Variants in BMP8B observed in about 807,000 individuals in gnomAD.
BMP8B encodes bone morphogenetic protein 8 (osteogenic protein 2).
Under a neutral mutation model 30.3 loss-of-function variants are expected in BMP8B, and 17 were observed. The observed-to-expected ratio is 0.56, with a 90% CI of 0.38 to 0.84. BMP8B has a LOEUF of 0.84. Among genes scored for constraint, BMP8B ranks in the 40% least tolerant of loss-of-function variants. BMP8B has a pLI of 0.00. For missense variants in BMP8B, 253 were observed against 494.6 expected (o/e 0.51, Z 4.63); for synonymous variants, 131 against 214.7 (o/e 0.61, Z 3.41).
In BMP8B at chr1:39,770,342, C is replaced by T. The variant is rs200262941; in HGVS notation, c.673+3966G>A. ...GCCGTCCTCAAATTCCAGAGCTGCGCGTCTGATGATGCGCGTCCTGGCGTC... is the reference window on the plus strand; with the variant it reads ...GCCGTCCTCAAATTCCAGAGCTGCGTGTCTGATGATGCGCGTCCTGGCGTC... On this transcript the variant is annotated intron_variant, in intron 3 of 6. Transcript: ENST00000372827. 60 of 1,590,780 alleles carry T rather than the reference C, an allele frequency of 3.8e-5. 1 individual carries two copies. The highest frequency in any genetic ancestry group is 1.7e-4 in the Middle Eastern group (1 of 5,824).
chr1:39,781,303 C>G (rs547337464), intron 1 of BMP8B, among the ~76,000 whole-genome samples: 2 of 152,218 alleles, frequency 1.3e-5, no homozygotes, highest in Admixed American at 6.5e-5. Flanking sequence ...TCAGAAGGAA[C>G]GGCTGCTACT....
chr1:39,763,322 A>G, intron 5 of BMP8B, 120 bp from the exon 6 acceptor site: 1 of 1,005,872 alleles, frequency 9.9e-7, no homozygotes, highest in Admixed American at 2.4e-5. Context: ...CCACCCAGGA[A>G]CCCCCGGCAG....
intron 1 of BMP8B, among the ~76,000 whole-genome samples, chr1:39,785,684 C>G (rs1650926319): frequency 6.6e-6 from 1 of 152,178 alleles, no homozygotes; most frequent in African/African-American, 2.4e-5. Flanking sequence ...CTATTAGATC[C>G]CGTGGTGGCC....
At position 39,782,151 on chromosome 1, in the gene BMP8B, CA is replaced by C. The variant is rs58953661; in HGVS notation, c.334+6000del. Among the ~76,000 whole-genome samples the C allele has an allele frequency of 5.2e-3, 659 of 126,462 alleles. 2 individuals carry two copies. Among genetic ancestry groups the C allele is most frequent in the African/African-American group, 0.016 (551 of 34,728 alleles). 83.0% of individuals were successfully genotyped at this position (126,462 alleles called of 152,430 possible). A position where few individuals can be genotyped will look rare whatever the true frequency, so the allele number is the denominator to read the frequency against. On this transcript the variant is annotated intron_variant, in intron 1 of 6. Transcript: ENST00000372827. ...GGGTGACAAGAGCAAAACTCCATCT[CA>C]AAAAAAAAAAAAACAAAAAAAACCT...
chr1:39,778,870 A>G (rs2780922), intron 1 of BMP8B, among the ~76,000 whole-genome samples: 53,468 of 151,856 alleles, frequency 0.35, 10,610 homozygotes, highest in African/African-American at 0.55. Context: ...GGCTGGGTGC[A>G]CCTCCCCACC....
In BMP8B at chr1:39,770,163, T is replaced by C. The variant is rs765126965; in HGVS notation, c.673+4145A>G. 9 of 1,270,262 alleles carry C rather than the reference T, an allele frequency of 7.1e-6. 1 individual carries two copies. In the East Asian group the frequency reaches 2.0e-4, roughly 29 times the overall value. 78.7% of individuals were successfully genotyped at this position (1,270,262 alleles called of 1,614,324 possible). A position where few individuals can be genotyped will look rare whatever the true frequency, so the allele number is the denominator to read the frequency against. ...CCGGGAAGCACCGTGACCGTCTGCT[T>C]GCCTGCATTGATGAGGTCGGCATCC... On this transcript the variant is annotated intron_variant, in intron 3 of 6. Transcript: ENST00000372827.
At chr1:39,776,659 G>A (rs1041240516) in intron 1 of BMP8B, among the ~76,000 whole-genome samples, 2 of 152,334 alleles carry the variant, frequency 1.3e-5, no homozygotes, top group East Asian at 1.9e-4. Flanking sequence ...AGGAAAGAAC[G>A]TGCCTTGTCC....
chr1:39,776,288 G>A (rs1324091205), intron 1 of BMP8B, among the ~76,000 whole-genome samples: 1 of 151,672 alleles, frequency 6.6e-6, no homozygotes, highest in Non-Finnish European at 1.5e-5. Context: ...TACCCAGGAC[G>A]CTATATTTAG....
intron 1 of BMP8B, among the ~76,000 whole-genome samples, chr1:39,784,196 A>C (rs1210770285): frequency 1.3e-5 from 2 of 152,198 alleles, no homozygotes; most frequent in East Asian, 3.8e-4. Context: ...AGAGATGCAG[A>C]GGTTCTGGGC....
chr1:39,775,167 G>A, intron 1 of BMP8B, 129 bp from the exon 2 acceptor site: 1 of 1,383,032 alleles, frequency 7.2e-7, no homozygotes, highest in Non-Finnish European at 9.9e-7. Context: ...AGGCCTGGGT[G>A]GGGCCGGCTT....
intron 3 of BMP8B, among the ~76,000 whole-genome samples, chr1:39,768,569 C>T (rs182799): frequency 0.31 from 46,616 of 148,266 alleles, 8,718 homozygotes; most frequent in Middle Eastern, 0.48. Context: ...CGGATAAAAA[C>T]GTTCAAGAAG....
rs1306785176 is a variant in BMP8B at position 39,763,076 on chromosome 1, T to C, written c.1059+16A>G. On this transcript the variant is annotated intron_variant, in intron 6 of 6. Coordinates refer to ENST00000372827, the MANE Select transcript of BMP8B (RefSeq NM_001720.5). ...CCCCACCCCAGGGGGCTGGGCAGGATGGGCATGGTACTGACCAGGGACTGC... is the reference window on the plus strand; with the variant it reads ...CCCCACCCCAGGGGGCTGGGCAGGACGGGCATGGTACTGACCAGGGACTGC... The C allele has an allele frequency of 6.2e-7, 1 of 1,611,740 alleles. No individual in the cohort carries two copies. Among genetic ancestry groups the C allele is most frequent in the Non-Finnish European group, 8.5e-7 (1 of 1,178,112 alleles).
At chr1:39,776,459 C>T (rs1485534219) in intron 1 of BMP8B, among the ~76,000 whole-genome samples, 1 of 152,194 alleles carries the variant, frequency 6.6e-6, no homozygotes, top group East Asian at 1.9e-4. Context: ...TTACTGGGCT[C>T]AGTGACCACG....
At chr1:39,770,449 C>A (rs773514512) in intron 3 of BMP8B, 1 of 1,609,508 alleles carries the variant, frequency 6.2e-7, no homozygotes, top group Non-Finnish European at 8.5e-7. Context: ...GCCCCTTTAT[C>A]ACGCGATCTA....
intron 1 of BMP8B, among the ~76,000 whole-genome samples, chr1:39,787,537 A>G (rs1651067428): frequency 2.0e-5 from 3 of 152,248 alleles, no homozygotes; most frequent in South Asian, 2.1e-4. Flanking sequence ...ACCATTCCAC[A>G]GGACTGGACA....
intron 6 of BMP8B, 68 bp from the exon 7 acceptor site, chr1:39,760,636 C>T (rs1331313033): frequency 1.9e-6 from 3 of 1,541,896 alleles, no homozygotes; most frequent in Non-Finnish European, 2.6e-6. Flanking sequence ...CACCCAGCCC[C>T]ACCCCAGCTC....
In BMP8B at chr1:39,760,180, A is replaced by G. The variant is rs528558588; in HGVS notation, c.*239T>C. ...CCGGGAGAGGCGTTTGCATTTGGGT[A>G]GAACACTGCCTGATGATTGAGACCA... On this transcript the variant is annotated 3_prime_UTR_variant, in exon 7 of 7. Transcript: ENST00000372827. The G allele has an allele frequency of 2.9e-6, 2 of 679,780 alleles. No homozygotes were observed. The highest frequency in any genetic ancestry group is 2.0e-5 in the South Asian group (1 of 50,850). The allele number at this position is 679,780 out of a possible 1,614,324, so 42.1% of individuals were successfully genotyped here. A position where few individuals can be genotyped will look rare whatever the true frequency, so the allele number is the denominator to read the frequency against.
chr1:39,775,726 C>A (rs565550898), intron 1 of BMP8B, among the ~76,000 whole-genome samples: 8 of 152,210 alleles, frequency 5.3e-5, no homozygotes, highest in African/African-American at 1.7e-4. Flanking sequence ...AGGAGACCCA[C>A]GTTTCCTTTC....
intron 1 of BMP8B, among the ~76,000 whole-genome samples, chr1:39,779,328 T>C (rs1650456384): frequency 6.6e-6 from 1 of 152,018 alleles, no homozygotes; most frequent in Admixed American, 6.5e-5. Flanking sequence ...CTCCCTGCTC[T>C]TGGCACTCGC....
Sources: allele counts gnomAD v4.1 joint callset (sites outside exome capture counted in the v4.1 genomes callset), GRCh38; gene constraint gnomAD v4.1.1; transcripts MANE v1.5; gene names NCBI Gene and HGNC (gene_info 2026-07-23, HGNC 2026-07-21).